The following HEATR5A variants were observed in gnomAD, a reference collection of about 807,000 sequenced individuals.
The protein encoded by HEATR5A is HEAT repeat-containing protein 5A.
Under a neutral mutation model 218.8 loss-of-function variants are expected in HEATR5A, and 178 were observed. The observed-to-expected ratio is 0.81, with a 90% CI of 0.72 to 0.92. The LOEUF is 0.92. HEATR5A is among the 40% of genes least tolerant of loss of function. The probability of loss-of-function intolerance (pLI) is 0.00; values close to 1 mark genes in which losing one functional copy is unlikely to be tolerated. For missense variants in HEATR5A, 2,420 were observed against 2,418.9 expected (o/e 1.00, Z -0.01); for synonymous variants, 864 against 871.6 (o/e 0.99, Z 0.15).
At chr14:31,352,364 G>A (rs897853140) in intron 16 of HEATR5A, among the ~76,000 whole-genome samples, 1 of 152,094 alleles carries the variant, frequency 6.6e-6, no homozygotes, top group Non-Finnish European at 1.5e-5. Flanking sequence ...ACAGCATCAG[G>A]TAATTAAACA....
At chr14:31,395,665 C>T (rs1202227145) in intron 4 of HEATR5A, among the ~76,000 whole-genome samples, 1 of 152,124 alleles carries the variant, frequency 6.6e-6, no homozygotes, top group African/African-American at 2.4e-5. Context: ...CTAAGCTAAC[C>T]TATTAAAAAT....
chr14:31,362,532 G>C (rs1472447055), intron 14 of HEATR5A, among the ~76,000 whole-genome samples: 2 of 150,220 alleles, frequency 1.3e-5, no homozygotes, highest in East Asian at 3.9e-4. Flanking sequence ...AGAGGCTGAG[G>C]TGGGAGGATC....
In HEATR5A at chr14:31,387,191, A is replaced by C; in HGVS notation, c.1118T>G (p.Leu373Arg). ...AGCAGCAAGCTGAGCCTTTTCTCCAAGAAGACCACCTATAGTAGTTCGAAG... is the reference window on the plus strand; with the variant it reads ...AGCAGCAAGCTGAGCCTTTTCTCCACGAAGACCACCTATAGTAGTTCGAAG... ...FILRTTIGGLLGEKAQLAAVK... is the reference protein window; with the variant it reads ...FILRTTIGGLRGEKAQLAAVK... Residue 373 changes from leucine (L) to arginine (R), a missense_variant, in exon 8 of 36, where the codon CTT becomes CGT. Coordinates refer to ENST00000543095, the MANE Select transcript of HEATR5A (RefSeq NM_015473.4). 6.5e-7 allele frequency: 1 copy of C among 1,532,110 alleles called. No individual in the cohort carries two copies. The highest frequency in any genetic ancestry group is 9.0e-7 in the Non-Finnish European group (1 of 1,107,488). The allele number at this position is 1,532,110 out of a possible 1,614,324, so 94.9% of individuals were successfully genotyped here.
rs1901190113 is a variant in HEATR5A, at chr14:31,350,650, G to T, written c.2479C>A (p.Gln827Lys). The change falls in exon 17 of 36, where the codon CAG becomes AAG. Residue 827 changes from glutamine to lysine, a missense_variant. Transcript: ENST00000543095. ...HTKGARQQVVQLHVVSSVSSF... is the reference protein window; with the variant it reads ...HTKGARQQVVKLHVVSSVSSF... Reference sequence around the variant, plus strand: ...GAAACTGAAGAAACAACATGTAACTGAACCACTTGCTGACGAGCTCCTTTT... The same window carrying T: ...GAAACTGAAGAAACAACATGTAACTTAACCACTTGCTGACGAGCTCCTTTT... The T allele has an allele frequency of 6.2e-7, 1 of 1,601,502 alleles. No homozygotes were observed. The highest frequency in any genetic ancestry group is 8.5e-7 in the Non-Finnish European group (1 of 1,172,262).
intron 1 of HEATR5A, among the ~76,000 whole-genome samples, chr14:31,410,324 C>T (rs562334856): frequency 1.3e-5 from 2 of 152,290 alleles, no homozygotes; most frequent in Admixed American, 6.5e-5. Context: ...CTGTCAAGAA[C>T]TCCCACAATT....
At chr14:31,381,140 C>T (rs1289540730) in intron 10 of HEATR5A, among the ~76,000 whole-genome samples, 5 of 151,850 alleles carry the variant, frequency 3.3e-5, no homozygotes, top group African/African-American at 1.2e-4. Flanking sequence ...CCCAGCTACT[C>T]GGGAGGCTGA....
chr14:31,395,146 G>A, intron 5 of HEATR5A, 53 bp downstream of exon 5: 1 of 1,219,010 alleles, frequency 8.2e-7, no homozygotes, highest in Non-Finnish European at 1.1e-6. Flanking sequence ...CAAAGAAGCT[G>A]ATTTACTTTT....
At position 31,400,355 on chromosome 14, in the gene HEATR5A, C is replaced by T; in HGVS notation, c.284G>A (p.Cys95Tyr). Residue 95 changes from cysteine to tyrosine, a missense_variant, in exon 3 of 36, where the codon TGT (cysteine) becomes TAT (tyrosine). By Grantham distance (194) the Cys-to-Tyr change is radical. Transcript: ENST00000543095. ...ATCTTTGCTACGAATAAGATCATTACATTTATCGATTGCTTCATGAACGGA... is the reference window on the plus strand; with the variant it reads ...ATCTTTGCTACGAATAAGATCATTATATTTATCGATTGCTTCATGAACGGA... ...TFSVHEAIDK[C>Y]NDLIRSKDDS... is the part of the protein sequence containing the mutation. 2.6e-6 allele frequency: 4 copies of T among 1,535,782 alleles called. No individual in the cohort carries two copies. The highest frequency in any genetic ancestry group is 3.5e-6 in the Non-Finnish European group (4 of 1,146,690).
Position 31,399,052 on chromosome 14 carries a change from C to T in HEATR5A, c.339-271G>A, listed in dbSNP as rs140624874. On this transcript the variant is annotated intron_variant, in intron 3 of 35. Transcript: ENST00000543095. ...CCTATGTTTTTTCCTATGAGTTTTA[C>T]AGTAATAGCTGTTACACTTACATCT... 1.8e-3 allele frequency among the ~76,000 whole-genome samples: 273 copies of T among 152,242 alleles called. 2 individuals are homozygous for T. Among genetic ancestry groups the T allele is most frequent in the African/African-American group, 6.4e-3 (265 of 41,562 alleles).
At chr14:31,295,493 A>G (rs1212680152) in intron 34 of HEATR5A, 1 of 146,880 alleles carries the variant, frequency 6.8e-6, no homozygotes, top group Non-Finnish European at 1.5e-5. Context: ...CAATCTGCCC[A>G]CCGCGTCCTC....
intron 13 of HEATR5A, among the ~76,000 whole-genome samples, chr14:31,365,620 A>G: frequency 6.6e-6 from 1 of 150,582 alleles, no homozygotes. Context: ...TCGGCCTCCC[A>G]AAGTGCTGGG....
At chr14:31,357,989 T>C (rs1274431413) in intron 16 of HEATR5A, among the ~76,000 whole-genome samples, 2 of 152,144 alleles carry the variant, frequency 1.3e-5, no homozygotes, top group Non-Finnish European at 2.9e-5. Context: ...AGCCAAACTC[T>C]TGTCAGATCA....
At chr14:31,323,220 A>G (rs1305127142) in intron 24 of HEATR5A, among the ~76,000 whole-genome samples, 1 of 152,198 alleles carries the variant, frequency 6.6e-6, no homozygotes, top group African/African-American at 2.4e-5. Context: ...ACATGAAGTG[A>G]TGTGAACACG....
At chr14:31,379,830 T>C (rs1044885478) in intron 11 of HEATR5A, among the ~76,000 whole-genome samples, 1 of 152,046 alleles carries the variant, frequency 6.6e-6, no homozygotes, top group African/African-American at 2.4e-5. Flanking sequence ...TGATGTTGCA[T>C]GCCTATGGTC....
intron 11 of HEATR5A, among the ~76,000 whole-genome samples, chr14:31,379,995 CA>C: frequency 6.6e-6 from 1 of 152,230 alleles, no homozygotes; most frequent in East Asian, 1.9e-4. Context: ...GACTGTAAAA[CA>C]ATTACTGTTT....
chr14:31,351,910 T>C lies in HEATR5A; in HGVS notation c.2412-1193A>G, dbSNP rs373438002. ...GATTATAGGGGTAAACCACTGTGCC[T>C]GGTCATTTTTCTTCTTTTATAATGT... is the stretch of plus-strand genomic sequence containing the variant. On this transcript the variant is annotated intron_variant, in intron 16 of 35. Coordinates refer to ENST00000543095, the MANE Select transcript of HEATR5A (RefSeq NM_015473.4). Among the ~76,000 whole-genome samples, 3 of 152,288 alleles carry C rather than the reference T, an allele frequency of 2.0e-5. No individual in the cohort carries two copies. The East Asian group carries it at 5.8e-4, about 29-fold the overall frequency.
At chr14:31,415,369 T>G (rs1320875714) in intron 1 of HEATR5A, among the ~76,000 whole-genome samples, 3 of 152,160 alleles carry the variant, frequency 2.0e-5, no homozygotes, top group Non-Finnish European at 1.5e-5. Flanking sequence ...TGGAATACAG[T>G]AAACATACCA....
At chr14:31,300,315 T>C (rs1899328618) in intron 33 of HEATR5A, among the ~76,000 whole-genome samples, 1 of 151,570 alleles carries the variant, frequency 6.6e-6, no homozygotes. Context: ...TGAGACAGTC[T>C]CGCTCTGTTG....
At chr14:31,305,442 T>C (rs1420516607) in intron 31 of HEATR5A, among the ~76,000 whole-genome samples, 1 of 152,074 alleles carries the variant, frequency 6.6e-6, no homozygotes, top group Non-Finnish European at 1.5e-5. Flanking sequence ...TTTGTATTTT[T>C]AGTAGAGATG....
Sources: gnomAD v4.1 joint callset for allele counts (sites outside exome capture counted in the v4.1 genomes callset) on GRCh38, gnomAD v4.1.1 for gene constraint, MANE v1.5 for transcripts, NCBI Gene and HGNC (gene_info 2026-07-23, HGNC 2026-07-21) for gene names.